GRK5: variants seen among roughly 807,000 people sequenced by gnomAD.
GRK5 encodes G protein-coupled receptor kinase 5.
In GRK5, 40 loss-of-function variants were observed where a neutral mutation model predicts 78.4. That is an observed-to-expected ratio of 0.51 (90% CI 0.40 to 0.66). GRK5 has a LOEUF of 0.66. GRK5 is among the 30% of genes least tolerant of loss of function. The pLI is 0.00. For missense variants in GRK5, 598 were observed against 759.9 expected (o/e 0.79, Z 2.50); for synonymous variants, 289 against 296.8 (o/e 0.97, Z 0.27).
At position 119,361,562 on chromosome 10, in the gene GRK5, G is replaced by A. The variant is rs75051603; in HGVS notation, c.149-19253G>A. On this transcript the variant is annotated intron_variant, in intron 2 of 15. Coordinates refer to ENST00000392870, the MANE Select transcript of GRK5 (RefSeq NM_005308.3). Reference sequence around the variant, plus strand: ...AGTTAATTAAGCAATCAGCCAAGCGGATTTCAAAGGACAGCTGTGCTGCAC... The same window carrying A: ...AGTTAATTAAGCAATCAGCCAAGCGAATTTCAAAGGACAGCTGTGCTGCAC... Among the ~76,000 whole-genome samples, 1,161 of 152,322 alleles carry A rather than the reference G, an allele frequency of 7.6e-3. 16 individuals are homozygous for A. Among genetic ancestry groups the A allele is most frequent in the Admixed American group, 0.037 (572 of 15,306 alleles).
intron 1 of GRK5, among the ~76,000 whole-genome samples, chr10:119,241,670 C>T (rs939356051): frequency 7.2e-5 from 11 of 152,162 alleles, no homozygotes; most frequent in Non-Finnish European, 1.6e-4. Context: ...TGGCTGGGAA[C>T]ATGGTCTTTG....
At chr10:119,313,038 ATGG>A (rs1158105953) in intron 1 of GRK5, among the ~76,000 whole-genome samples, 195 of 8,212 alleles carry the variant, frequency 0.024, 2 homozygotes, top group African/African-American at 0.07. Flanking sequence ...GGCAGTGGTG[ATGG>A]TGGTGGTGGT....
At chr10:119,245,852 C>CA (rs1161031482) in intron 1 of GRK5, among the ~76,000 whole-genome samples, 1 of 151,444 alleles carries the variant, frequency 6.6e-6, no homozygotes, top group Non-Finnish European at 1.5e-5. Flanking sequence ...CCCGTCTCTA[C>CA]TAAAAAAATA....
chr10:119,343,453 C>T (rs191931944), intron 2 of GRK5, among the ~76,000 whole-genome samples: 26 of 152,338 alleles, frequency 1.7e-4, no homozygotes, highest in African/African-American at 5.3e-4. Flanking sequence ...TTAGGGATGA[C>T]GATGCAGAGA....
chr10:119,406,548 T>G, intron 4 of GRK5: 17 of 845,644 alleles, frequency 2.0e-5, no homozygotes, highest in Non-Finnish European at 2.4e-5. Context: ...TCTTCATCTC[T>G]ACTGAGATTG....
intron 1 of GRK5, among the ~76,000 whole-genome samples, chr10:119,251,877 C>T (rs1038947497): frequency 2.0e-5 from 3 of 152,198 alleles, no homozygotes; most frequent in African/African-American, 2.4e-5. Flanking sequence ...GAGAACCACT[C>T]GCCTCGATTT....
At chr10:119,337,509 C>T (rs1469609920) in intron 2 of GRK5, among the ~76,000 whole-genome samples, 1 of 152,124 alleles carries the variant, frequency 6.6e-6, no homozygotes, top group Non-Finnish European at 1.5e-5. Context: ...TGTGGGTTTG[C>T]TGTCATTATT....
chr10:119,261,048 CT>C, intron 1 of GRK5, among the ~76,000 whole-genome samples: 1 of 112,182 alleles, frequency 8.9e-6, no homozygotes. Context: ...ACCCCCCCAC[CT>C]CCCTCCCGGA....
chr10:119,454,688 A>G (rs1853367969), intron 15 of GRK5, among the ~76,000 whole-genome samples: 1 of 152,212 alleles, frequency 6.6e-6, no homozygotes, highest in South Asian at 2.1e-4. Flanking sequence ...AAGACTGAGA[A>G]TTCCAGCCCA....
At chr10:119,309,589 T>G (rs1468162863) in intron 1 of GRK5, among the ~76,000 whole-genome samples, 1 of 152,190 alleles carries the variant, frequency 6.6e-6, no homozygotes, top group East Asian at 1.9e-4. Context: ...GCAGCCTTCT[T>G]AAGAGGGTGG....
chr10:119,303,005 T>A (rs1430530454), intron 1 of GRK5, among the ~76,000 whole-genome samples: 1 of 152,132 alleles, frequency 6.6e-6, no homozygotes, highest in African/African-American at 2.4e-5. Flanking sequence ...ATATCTTGCA[T>A]TTTAGAGAGG....
chr10:119,278,339 C>T (rs1471004660), intron 1 of GRK5, among the ~76,000 whole-genome samples: 2 of 151,976 alleles, frequency 1.3e-5, no homozygotes, highest in Admixed American at 6.6e-5. Flanking sequence ...AAGGGGAACA[C>T]TCAAGTTCTT....
At chr10:119,361,105 T>A (rs1014186676) in intron 2 of GRK5, among the ~76,000 whole-genome samples, 2 of 152,224 alleles carry the variant, frequency 1.3e-5, no homozygotes, top group Admixed American at 6.5e-5. Context: ...GCTGATGCAC[T>A]GTGACCTTGG....
chr10:119,394,528 GGTGT>G (rs1851985691), intron 3 of GRK5, among the ~76,000 whole-genome samples: 1 of 3,600 alleles, frequency 2.8e-4, no homozygotes, highest in African/African-American at 9.1e-4. Flanking sequence ...GGTGTGTGTG[GGTGT>G]GTATCTGTGT....
In GRK5 at chr10:119,431,519, C is replaced by G. The variant is rs1004387219; in HGVS notation, c.730C>G (p.Gln244Glu). 1 of 1,613,180 alleles carries G rather than the reference C, an allele frequency of 6.2e-7. No individual in the cohort carries two copies. The highest frequency in any genetic ancestry group is 1.7e-5 in the Admixed American group (1 of 59,926). ...EKQILEKVNS[Q>E]FVVNLAYAYE... ...GCAGATCCTCGAGAAGGTCAACAGT[C>G]AGTTTGTGGTGAGTGAGCATCTGGG... The change falls in exon 8 of 16, where the codon CAG becomes GAG. Residue 244 changes from glutamine to glutamate, a missense_variant. Coordinates refer to ENST00000392870, the MANE Select transcript of GRK5 (RefSeq NM_005308.3). The surrounding 1 kb of genome is among the most constrained non-coding windows in gnomAD (Gnocchi z 4.8).
At chr10:119,429,079 T>A (rs576142478) in intron 6 of GRK5, among the ~76,000 whole-genome samples, 1 of 152,340 alleles carries the variant, frequency 6.6e-6, no homozygotes, top group African/African-American at 2.4e-5. Context: ...CCTTTGGCTG[T>A]CCAGCCGCTC....
intron 1 of GRK5, among the ~76,000 whole-genome samples, chr10:119,297,186 G>A (rs929678674): frequency 3.3e-5 from 5 of 152,242 alleles, no homozygotes; most frequent in Admixed American, 3.3e-4. Context: ...GGAAATAGAA[G>A]CTACCAGAGA....
intron 4 of GRK5, among the ~76,000 whole-genome samples, chr10:119,416,552 C>T (rs1428327700): frequency 6.6e-6 from 1 of 151,802 alleles, no homozygotes; most frequent in African/African-American, 2.4e-5. Flanking sequence ...TATGACCTCT[C>T]TAGGGCTCCC....
At chr10:119,414,142 C>T (rs1412466862) in intron 4 of GRK5, among the ~76,000 whole-genome samples, 1 of 152,220 alleles carries the variant, frequency 6.6e-6, no homozygotes, top group Non-Finnish European at 1.5e-5. Context: ...CTCAGCCTTC[C>T]TGAAAGCTGA....
Sources: gnomAD v4.1 joint callset for allele counts (sites outside exome capture counted in the v4.1 genomes callset) on GRCh38, gnomAD v4.1.1 for gene constraint, Gnocchi (gnomAD v3.1) non-coding constraint, MANE v1.5 for transcripts, NCBI Gene and HGNC (gene_info 2026-07-23, HGNC 2026-07-21) for gene names.